The following ABTB3 variants were observed in gnomAD, a reference collection of about 807,000 sequenced individuals.
The protein encoded by ABTB3 is ankyrin repeat- and BTB/POZ domain-containing protein 3.
the ABTB3 span, among the ~76,000 whole-genome samples, chr12:107,411,208 G>A: frequency 2.6e-5 from 4 of 152,190 alleles, no homozygotes; most frequent in Non-Finnish European, 5.9e-5. Flanking sequence ...GCTGAGGCAC[G>A]AGAATCACTT....
At chr12:107,615,068 G>A in the ABTB3 span, 3 of 1,612,956 alleles carry the variant, frequency 1.9e-6, no homozygotes, top group South Asian at 1.1e-5. Flanking sequence ...TAGGTTGTCA[G>A]TACTCCTCAT....
chr12:107,453,535 G>A, the ABTB3 span, among the ~76,000 whole-genome samples: 2 of 152,208 alleles, frequency 1.3e-5, no homozygotes, highest in East Asian at 3.8e-4. Context: ...CAAATCTGCT[G>A]GTGCCTTGGT....
chr12:107,508,434 A>ATTTATTTTTTTTTTTTTT, the ABTB3 span, among the ~76,000 whole-genome samples: 1 of 58,718 alleles, frequency 1.7e-5, no homozygotes, highest in African/African-American at 5.3e-5. Context: ...CTCAAAGATC[A>ATTTATTTTTTTTTTTTTT]TTTCTTTTTT....
chr12:107,338,180 A>G, the ABTB3 span, among the ~76,000 whole-genome samples: 1 of 152,216 alleles, frequency 6.6e-6, no homozygotes, highest in African/African-American at 2.4e-5. Flanking sequence ...CTCAGGGACC[A>G]AACTCACCTG....
the ABTB3 span, chr12:107,486,414 G>T: frequency 6.6e-6 from 1 of 151,962 alleles, no homozygotes; most frequent in Non-Finnish European, 1.5e-5. Context: ...AGAGTATATG[G>T]CCCACAAAAC....
At chr12:107,621,361 G>T in the ABTB3 span, among the ~76,000 whole-genome samples, 1 of 152,120 alleles carries the variant, frequency 6.6e-6, no homozygotes, top group African/African-American at 2.4e-5. Context: ...CTCCCCACCT[G>T]ACTTAAAAAT....
At chr12:107,580,214 C>T in the ABTB3 span, among the ~76,000 whole-genome samples, 1 of 152,210 alleles carries the variant, frequency 6.6e-6, no homozygotes. Context: ...TGAAAACTGC[C>T]TGTATCCAGC....
At chr12:107,333,813 T>C in the ABTB3 span, among the ~76,000 whole-genome samples, 1,076 of 152,172 alleles carry the variant, frequency 7.1e-3, 10 homozygotes, top group African/African-American at 0.024. Flanking sequence ...TAAGTAAAAG[T>C]GTTAGAAGGT....
At chr12:107,622,461 A>T in the ABTB3 span, among the ~76,000 whole-genome samples, 3 of 152,080 alleles carry the variant, frequency 2.0e-5, no homozygotes. Context: ...TTCCTGTTCA[A>T]ATGTTTGTCC....
chr12:107,495,302 C>T, the ABTB3 span, among the ~76,000 whole-genome samples: 3 of 152,310 alleles, frequency 2.0e-5, no homozygotes, highest in Non-Finnish European at 4.4e-5. Context: ...GGCTCAGCCA[C>T]GCTCTGGTGT....
chr12:107,354,455 G>A, the ABTB3 span, among the ~76,000 whole-genome samples: 16 of 151,860 alleles, frequency 1.1e-4, no homozygotes, highest in African/African-American at 3.4e-4. Flanking sequence ...TTGTCTCTAT[G>A]TATTTATCTA....
the ABTB3 span, among the ~76,000 whole-genome samples, chr12:107,493,140 G>A: frequency 1.2e-3 from 187 of 152,040 alleles, no homozygotes; most frequent in African/African-American, 4.3e-3. Context: ...GTAAGTGAAA[G>A]CCCAAAGGCA....
At chr12:107,452,607 A>AG in the ABTB3 span, among the ~76,000 whole-genome samples, 4 of 152,194 alleles carry the variant, frequency 2.6e-5, no homozygotes, top group South Asian at 4.1e-4. Flanking sequence ...TCCCGGGCCA[A>AG]GGGGGGTGGA....
chr12:107,521,894 A>T, the ABTB3 span, among the ~76,000 whole-genome samples: 11 of 152,160 alleles, frequency 7.2e-5, no homozygotes, highest in South Asian at 6.2e-4. Context: ...CATTGTATTT[A>T]AAATCATAAT....
the ABTB3 span, among the ~76,000 whole-genome samples, chr12:107,560,029 T>C: frequency 6.6e-6 from 1 of 152,216 alleles, no homozygotes; most frequent in South Asian, 2.1e-4. Context: ...GTTTTGAACA[T>C]AGTTACACTG....
At chr12:107,373,111 C>T in the ABTB3 span, among the ~76,000 whole-genome samples, 2 of 152,200 alleles carry the variant, frequency 1.3e-5, no homozygotes, top group Non-Finnish European at 2.9e-5. Flanking sequence ...GAGGCAAAAT[C>T]ACCTCTGGTT....
At chr12:107,584,276 C>G in the ABTB3 span, among the ~76,000 whole-genome samples, 3 of 152,240 alleles carry the variant, frequency 2.0e-5, no homozygotes, top group Non-Finnish European at 4.4e-5. Flanking sequence ...CACTTACAGT[C>G]CGTGTGGTGT....
chr12:107,419,670 ATAGGATGGTTAT>A, the ABTB3 span, among the ~76,000 whole-genome samples: 1 of 152,144 alleles, frequency 6.6e-6, no homozygotes, highest in African/African-American at 2.4e-5. Context: ...ACTGTACCAC[ATAGGATGGTTAT>A]TAGGATGGAA....
chr12:107,411,479 G>A, the ABTB3 span, among the ~76,000 whole-genome samples: 1 of 152,308 alleles, frequency 6.6e-6, no homozygotes, highest in South Asian at 2.1e-4. Flanking sequence ...TGCGGTGTCT[G>A]GCATTCTTAA....
Sources: allele counts gnomAD v4.1 joint callset (sites outside exome capture counted in the v4.1 genomes callset), GRCh38; gene constraint gnomAD v4.1.1; transcripts MANE v1.5; gene names NCBI Gene and HGNC (gene_info 2026-07-23, HGNC 2026-07-21).